The following SLC2A9 variants were observed in gnomAD, a reference collection of about 807,000 sequenced individuals.
SLC2A9 encodes the protein solute carrier family 2, facilitated glucose transporter member 9.
SLC2A9 carries 39 observed loss-of-function variants against 50.6 expected under a neutral mutation model. That is an observed-to-expected ratio of 0.77 (90% CI 0.60 to 1.01). The LOEUF is 1.01. Ranked by LOEUF, SLC2A9 falls within the 50% of genes least tolerant of loss-of-function variation. The probability of loss-of-function intolerance (pLI) is 0.00; values close to 1 mark genes in which losing one functional copy is unlikely to be tolerated. For missense variants in SLC2A9, 686 were observed against 677.6 expected (o/e 1.01, Z -0.14); for synonymous variants, 324 against 276.9 (o/e 1.17, Z -1.69).
chr4:10,026,877 C>T (rs1336199058), intron 1 of SLC2A9, among the ~76,000 whole-genome samples: 1 of 152,102 alleles, frequency 6.6e-6, no homozygotes, highest in Admixed American at 6.6e-5. Context: ...AACCCTGTCT[C>T]TACTAAAAAT....
chr4:9,782,130 C>A (rs772917283), intron 3 of SLC2A9: 31 of 1,552,560 alleles, frequency 2.0e-5, no homozygotes, highest in Non-Finnish European at 2.7e-5. Flanking sequence ...GCGGGGGCAC[C>A]GCCACTGGGG....
intron 3 of SLC2A9, among the ~76,000 whole-genome samples, chr4:9,814,932 A>G (rs78589581): frequency 0.026 from 3,886 of 152,090 alleles, 61 homozygotes; most frequent in African/African-American, 0.042. Context: ...AAAAGGATTA[A>G]CAAATGTATG....
chr4:9,781,686 G>A (rs547504779), intron 3 of SLC2A9: 244 of 234,060 alleles, frequency 1.0e-3, no homozygotes, highest in African/African-American at 5.3e-3. Context: ...GTGGCGGCTT[G>A]CTCTCTTCTC....
intron 5 of SLC2A9, among the ~76,000 whole-genome samples, chr4:9,971,907 C>A (rs1356091016): frequency 6.6e-6 from 1 of 152,238 alleles, no homozygotes; most frequent in Non-Finnish European, 1.5e-5. Context: ...AGAACACCTG[C>A]CTAGCAACTG....
chr4:9,919,510 T>TG (rs1441081364), intron 7 of SLC2A9, among the ~76,000 whole-genome samples: 1 of 152,086 alleles, frequency 6.6e-6, no homozygotes, highest in African/African-American at 2.4e-5. Context: ...CTGCCCGCCT[T>TG]GGGGGGTGCT....
At chr4:10,014,235 G>A (rs775568630) in intron 2 of SLC2A9, among the ~76,000 whole-genome samples, 5 of 152,144 alleles carry the variant, frequency 3.3e-5, no homozygotes, top group African/African-American at 7.2e-5. Flanking sequence ...CGAGGTGATC[G>A]CTGGACGCTG....
chr4:9,824,163 T>A (rs1399515579), downstream of SLC2A9, among the ~76,000 whole-genome samples: 1 of 152,126 alleles, frequency 6.6e-6, no homozygotes, highest in Non-Finnish European at 1.5e-5. Context: ...GGTGGTTTTA[T>A]AAAGAGAAGA....
chr4:9,933,416 A>G (rs1746499872), intron 6 of SLC2A9, among the ~76,000 whole-genome samples: 1 of 151,648 alleles, frequency 6.6e-6, no homozygotes, highest in South Asian at 2.1e-4. Context: ...ACTCTGCCCA[A>G]CTCCTTTTGC....
Position 9,996,906 on chromosome 4 carries a change from T to C in SLC2A9, c.285A>G (p.Arg95=). Residue 95 remains arginine, a synonymous_variant, in exon 3 of 12, where the codon AGA becomes AGG. Coordinates refer to ENST00000264784, the MANE Select transcript of SLC2A9 (RefSeq NM_020041.3). ...IKAFYNESWE[R]RHGRPIDPDT... The stretch of plus-strand genomic sequence containing the variant: ...CTGGGTCTATTGGACGTCCATGCCT[T>C]CTTTCCCATGACTCATTGTAAAAGG... The C allele has an allele frequency of 6.2e-7, 1 of 1,614,166 alleles. No homozygotes were observed. Among genetic ancestry groups the C allele is most frequent in the Non-Finnish European group, 8.5e-7 (1 of 1,180,012 alleles).
At chr4:10,040,183 G>C (rs761392224) in exon 1 of SLC2A9, 3 of 152,266 alleles carry the variant, frequency 2.0e-5, no homozygotes, top group Non-Finnish European at 4.4e-5. Context: ...TTCAGGAAGA[G>C]TTTTCATGCC....
intron 6 of SLC2A9, among the ~76,000 whole-genome samples, chr4:9,938,333 G>A (rs1747488478): frequency 6.9e-6 from 1 of 144,204 alleles, no homozygotes; most frequent in Non-Finnish European, 1.5e-5. Flanking sequence ...GTGCAGTGGT[G>A]TGATCTTGGC....
At chr4:10,037,773 A>T (rs1241128667) in intron 1 of SLC2A9, among the ~76,000 whole-genome samples, 4 of 152,014 alleles carry the variant, frequency 2.6e-5, no homozygotes, top group African/African-American at 9.7e-5. Context: ...ACATGGTGAA[A>T]CCCTGTCTCC....
chr4:9,868,483 T>G (rs146646262), intron 10 of SLC2A9, among the ~76,000 whole-genome samples: 68 of 152,366 alleles, frequency 4.5e-4, no homozygotes, highest in African/African-American at 1.5e-3. Flanking sequence ...AATTGTTTAC[T>G]ACCCTGAAGG....
At chr4:9,950,824 C>T (rs1460489856) in intron 5 of SLC2A9, among the ~76,000 whole-genome samples, 4 of 40,832 alleles carry the variant, frequency 9.8e-5, no homozygotes, top group African/African-American at 2.1e-4. Flanking sequence ...ACCCGGGAGG[C>T]GGAGCTTGCA....
intron 9 of SLC2A9, among the ~76,000 whole-genome samples, chr4:9,889,853 G>A (rs956958716): frequency 2.0e-5 from 3 of 152,256 alleles, no homozygotes; most frequent in Non-Finnish European, 2.9e-5. Flanking sequence ...GGGGGCAGAA[G>A]CCCAGGATCC....
At chr4:9,829,427 C>A (rs1288184381) in intron 11 of SLC2A9, among the ~76,000 whole-genome samples, 1 of 146,416 alleles carries the variant, frequency 6.8e-6, no homozygotes, top group Non-Finnish European at 1.5e-5. Flanking sequence ...TAGGCAATAC[C>A]ATTCGGGACA....
chr4:9,936,146 T>C (rs1747034737), intron 6 of SLC2A9, among the ~76,000 whole-genome samples: 2 of 152,202 alleles, frequency 1.3e-5, no homozygotes, highest in South Asian at 4.2e-4. Flanking sequence ...TGAAAATGAA[T>C]CCCCAAACTG....
intron 8 of SLC2A9, among the ~76,000 whole-genome samples, chr4:9,895,421 C>T (rs1228101100): frequency 1.3e-5 from 2 of 152,208 alleles, no homozygotes; most frequent in Non-Finnish European, 2.9e-5. Context: ...TTAGAGCGAA[C>T]GTGGTATTTC....
At chr4:9,906,375 T>TCAGCA (rs1385120061) in intron 8 of SLC2A9, among the ~76,000 whole-genome samples, 1 of 152,196 alleles carries the variant, frequency 6.6e-6, no homozygotes, top group Non-Finnish European at 1.5e-5. Flanking sequence ...GATAAATCGT[T>TCAGCA]CAGCACTAGT....
Sources: gnomAD v4.1 joint callset for allele counts (sites outside exome capture counted in the v4.1 genomes callset) on GRCh38, gnomAD v4.1.1 for gene constraint, MANE v1.5 for transcripts, NCBI Gene and HGNC (gene_info 2026-07-23, HGNC 2026-07-21) for gene names.